Variants in DPP10 observed in about 807,000 individuals in gnomAD.
DPP10 encodes the protein inactive dipeptidyl peptidase 10.
Under a neutral mutation model 120.9 loss-of-function variants are expected in DPP10, and 33 were observed. That is an observed-to-expected ratio of 0.27 (90% CI 0.21 to 0.37). The LOEUF (loss-of-function observed/expected upper bound fraction) is 0.37, where lower values mean the gene tolerates loss of function less well. Among genes scored for constraint, DPP10 ranks in the 10% least tolerant of loss-of-function variants. DPP10 has a pLI of 1.00. For missense variants in DPP10, 816 were observed against 942.8 expected, an observed-to-expected ratio of 0.87 and a Z score of 1.76; for synonymous variants, 337 against 326.1, an observed-to-expected ratio of 1.03 and a Z score of -0.36.
At chr2:115,806,754 T>C (rs1311407715) in intron 19 of DPP10, among the ~76,000 whole-genome samples, 1 of 152,128 alleles carries the variant, frequency 6.6e-6, no homozygotes, top group South Asian at 2.1e-4. Context: ...CTTGAAAAAA[T>C]ACAGAAATTT....
chr2:115,662,920 C>G (rs530262600), intron 5 of DPP10, among the ~76,000 whole-genome samples: 1 of 152,210 alleles, frequency 6.6e-6, no homozygotes, highest in South Asian at 2.1e-4. Flanking sequence ...TGTATTTGAG[C>G]AAATCAATTA....
chr2:115,272,326 T>C (rs71418544), intron 1 of DPP10, among the ~76,000 whole-genome samples: 212 of 152,322 alleles, frequency 1.4e-3, no homozygotes, highest in African/African-American at 4.9e-3. Flanking sequence ...AATAGGCCAT[T>C]CCAGTAATTG....
chr2:115,125,752 T>C (rs2050048106), intron 1 of DPP10, among the ~76,000 whole-genome samples: 1 of 151,952 alleles, frequency 6.6e-6, no homozygotes, highest in Admixed American at 6.6e-5. Flanking sequence ...TCTTTTTTTT[T>C]TCTGTATTTC....
chr2:115,701,295 C>T (rs62155266), intron 7 of DPP10, among the ~76,000 whole-genome samples: 11,903 of 152,074 alleles, frequency 0.078, 660 homozygotes, highest in Non-Finnish European at 0.12. Context: ...AATAAACTTT[C>T]GCATTTATGA....
intron 1 of DPP10, among the ~76,000 whole-genome samples, chr2:114,926,415 T>G (rs1304480283): frequency 6.6e-6 from 1 of 152,192 alleles, no homozygotes; most frequent in Non-Finnish European, 1.5e-5. Context: ...TATGTTCCAG[T>G]CCTTAAAAGT....
At chr2:114,658,654 G>A (rs13399106) in intron 1 of DPP10, among the ~76,000 whole-genome samples, 298 of 152,194 alleles carry the variant, frequency 2.0e-3, no homozygotes, top group African/African-American at 6.8e-3. Flanking sequence ...ACTGCAAAGC[G>A]CTCATTAAAG....
At chr2:114,708,373 C>T (rs1700814402) in intron 1 of DPP10, among the ~76,000 whole-genome samples, 1 of 152,190 alleles carries the variant, frequency 6.6e-6, no homozygotes, top group African/African-American at 2.4e-5. Context: ...TAGGTGGTTT[C>T]TCCTTATGTC....
intron 1 of DPP10, among the ~76,000 whole-genome samples, chr2:115,223,886 A>G (rs2057303851): frequency 6.6e-6 from 1 of 152,196 alleles, no homozygotes; most frequent in African/African-American, 2.4e-5. Context: ...TTGTTTTAAT[A>G]AATCATGATA....
At chr2:115,552,316 A>G (rs771007620) in intron 5 of DPP10, among the ~76,000 whole-genome samples, 4 of 152,126 alleles carry the variant, frequency 2.6e-5, no homozygotes, top group Non-Finnish European at 4.4e-5. Context: ...AAGGAGGTGA[A>G]GACATTTGTG....
At chr2:114,999,616 G>T (rs1221270853) in intron 1 of DPP10, among the ~76,000 whole-genome samples, 2 of 152,086 alleles carry the variant, frequency 1.3e-5, no homozygotes, top group East Asian at 1.9e-4. Context: ...CTTTGTCGGT[G>T]CTAATTCCTC....
At chr2:114,942,320 T>TACATATATATATATATATAC (rs1696992064) in intron 1 of DPP10, among the ~76,000 whole-genome samples, 8 of 123,976 alleles carry the variant, frequency 6.5e-5, no homozygotes, top group African/African-American at 2.5e-4. Context: ...TATATATATA[T>TACATATATATATATATATAC]ACACACACAT....
chr2:115,031,915 T>G lies in DPP10; in HGVS notation c.61-277324T>G, dbSNP rs566972559. ...ACCACTCATCCTATATATAATATACTACGACAATAATAGGTGTTGTTGCTG... is the reference window on the plus strand; with the variant it reads ...ACCACTCATCCTATATATAATATACGACGACAATAATAGGTGTTGTTGCTG... On this transcript the variant is annotated intron_variant, in intron 1 of 25. Coordinates refer to ENST00000410059, the MANE Select transcript of DPP10 (RefSeq NM_020868.6). Among the ~76,000 whole-genome samples the G allele has an allele frequency of 3.9e-5, 6 of 152,298 alleles. No individual in the cohort carries two copies. In the South Asian group the frequency reaches 1.2e-3, roughly 32 times the overall value.
chr2:115,626,545 C>T (rs899707045), intron 5 of DPP10, among the ~76,000 whole-genome samples: 17 of 152,020 alleles, frequency 1.1e-4, no homozygotes, highest in South Asian at 2.1e-4. Context: ...ATCATTAGCT[C>T]TTGTTTTTTA....
chr2:115,165,678 A>G (rs191016922), intron 1 of DPP10, among the ~76,000 whole-genome samples: 124 of 152,248 alleles, frequency 8.1e-4, no homozygotes, highest in Non-Finnish European at 1.4e-3. Context: ...TTAATGGTCA[A>G]TCAGACAAGG....
chr2:115,038,837 G>A (rs1245739568), intron 1 of DPP10, among the ~76,000 whole-genome samples: 1 of 152,118 alleles, frequency 6.6e-6, no homozygotes, highest in Admixed American at 6.5e-5. Context: ...ATTTTATTGG[G>A]AACTTAAATA....
chr2:115,329,593 T>G (rs544024674), intron 2 of DPP10, among the ~76,000 whole-genome samples: 14 of 152,144 alleles, frequency 9.2e-5, no homozygotes, highest in African/African-American at 3.1e-4. Flanking sequence ...CCGCTCCCCC[T>G]ACCCAATGAC....
chr2:115,197,168 C>T (rs1210301681), intron 1 of DPP10, among the ~76,000 whole-genome samples: 4 of 151,886 alleles, frequency 2.6e-5, no homozygotes, highest in Non-Finnish European at 4.4e-5. Flanking sequence ...CCGAGGAGGG[C>T]GGATCATGAG....
At chr2:115,559,224 G>T (rs940374000) in intron 5 of DPP10, among the ~76,000 whole-genome samples, 1 of 152,116 alleles carries the variant, frequency 6.6e-6, no homozygotes, top group African/African-American at 2.4e-5. Flanking sequence ...ACCCAAATGG[G>T]ATGAGTGCTC....
At chr2:115,584,328 G>A (rs1356622595) in intron 5 of DPP10, among the ~76,000 whole-genome samples, 1 of 152,098 alleles carries the variant, frequency 6.6e-6, no homozygotes, top group East Asian at 1.9e-4. Context: ...GTGGTCATTG[G>A]CTAAATCCAG....
Sources: gnomAD v4.1 joint callset for allele counts (sites outside exome capture counted in the v4.1 genomes callset) on GRCh38, gnomAD v4.1.1 for gene constraint, MANE v1.5 for transcripts, NCBI Gene and HGNC (gene_info 2026-07-23, HGNC 2026-07-21) for gene names.